The following LRRC72 variants were observed in gnomAD, a reference collection of about 807,000 sequenced individuals.
LRRC72 encodes leucine-rich repeat-containing protein 72.
LRRC72 carries 41 observed loss-of-function variants against 35.8 expected under a neutral mutation model. The ratio of observed to expected loss-of-function variants is 1.15; its 90% confidence interval spans 0.89 to 1.49. LRRC72 has a LOEUF of 1.49. Ranked by LOEUF, LRRC72 falls within the 40% of genes most tolerant of loss-of-function variation. The pLI is 0.00. For synonymous variants in LRRC72, 118 were observed against 119.2 expected, an observed-to-expected ratio of 0.99 and a Z score of 0.07; for missense variants, 389 against 330.7, an observed-to-expected ratio of 1.18 and a Z score of -1.37.
At chr7:16,533,599 C>T (rs1296734297) in intron 2 of LRRC72, among the ~76,000 whole-genome samples, 1 of 152,026 alleles carries the variant, frequency 6.6e-6, no homozygotes, top group Admixed American at 6.6e-5. Context: ...CTTAGTTTAT[C>T]AACAAATTTA....
intron 3 of LRRC72, among the ~76,000 whole-genome samples, chr7:16,548,972 A>G (rs1292236078): frequency 2.0e-5 from 3 of 152,288 alleles, no homozygotes; most frequent in Non-Finnish European, 2.9e-5. Flanking sequence ...AATTTTGTCT[A>G]TTTTCTTCAT....
At chr7:16,561,116 T>C (rs1259606732) in intron 5 of LRRC72, among the ~76,000 whole-genome samples, 2 of 152,192 alleles carry the variant, frequency 1.3e-5, no homozygotes, top group African/African-American at 2.4e-5. Flanking sequence ...ATTCATTTAA[T>C]AAATGTTTAT....
chr7:16,581,304 T>C lies in LRRC72; in HGVS notation c.699-20T>C. 1 of 1,418,060 alleles carries C rather than the reference T, an allele frequency of 7.1e-7. No individual in the cohort carries two copies. The highest frequency in any genetic ancestry group is 9.3e-7 in the Non-Finnish European group (1 of 1,078,486). The allele number at this position is 1,418,060 out of a possible 1,614,324, so 87.8% of individuals were successfully genotyped here. ...ATTTTTGATTGCTTTTTTTCTGACA[T>C]AATTGCTTTTTTTTTGCAGAACTGT... On this transcript the variant is annotated intron_variant, in intron 8 of 8. Transcript: ENST00000401542.
At chr7:16,575,832 T>C (rs1232940711) in intron 7 of LRRC72, among the ~76,000 whole-genome samples, 4 of 152,124 alleles carry the variant, frequency 2.6e-5, no homozygotes, top group Admixed American at 2.6e-4. Flanking sequence ...ATGCACACAA[T>C]AACAAACAAT....
chr7:16,549,717 C>A (rs1782515350), intron 3 of LRRC72, among the ~76,000 whole-genome samples: 1 of 152,062 alleles, frequency 6.6e-6, no homozygotes, highest in Admixed American at 6.6e-5. Flanking sequence ...AAGCAAATAT[C>A]TTGTTTAATG....
intron 7 of LRRC72, among the ~76,000 whole-genome samples, chr7:16,574,856 T>C (rs112326391): frequency 2.1e-4 from 32 of 152,004 alleles, no homozygotes; most frequent in Middle Eastern, 3.4e-3. Context: ...TGGCTCACGC[T>C]TGTAATCCCA....
intron 7 of LRRC72, among the ~76,000 whole-genome samples, chr7:16,573,990 C>T (rs1782994177): frequency 6.6e-6 from 1 of 152,024 alleles, no homozygotes; most frequent in African/African-American, 2.4e-5. Flanking sequence ...GTGAGTGAAG[C>T]ATATGAACAG....
chr7:16,539,501 A>G (rs1188545116), intron 3 of LRRC72, among the ~76,000 whole-genome samples: 2 of 152,222 alleles, frequency 1.3e-5, no homozygotes, highest in East Asian at 3.9e-4. Context: ...TTGCAGCCTG[A>G]CCATTAGGTA....
intron 8 of LRRC72, 35 bp from the exon 9 acceptor site, chr7:16,581,289 G>C: frequency 7.1e-7 from 1 of 1,411,490 alleles, no homozygotes; most frequent in Non-Finnish European, 9.3e-7. Flanking sequence ...ATTTTTGATT[G>C]CTTTTTTTCT....
intron 3 of LRRC72, among the ~76,000 whole-genome samples, chr7:16,541,723 C>A (rs1362230963): frequency 6.6e-6 from 1 of 152,186 alleles, no homozygotes; most frequent in South Asian, 2.1e-4. Flanking sequence ...ACCAGCCTGG[C>A]CAACATGGTG....
At position 16,532,522 on chromosome 7, in the gene LRRC72, G is replaced by T; in HGVS notation, c.118G>T (p.Gly40Cys). ...AGTTGAAGATCAGCTAAAGATATGT[G>T]GCCACAGGAGGGATGCTGATGTCTT... ...RAVEDQLKICGHRRDADVFEL... is the reference protein window; with the variant it reads ...RAVEDQLKICCHRRDADVFEL... Residue 40 changes from glycine (G) to cysteine (C), a missense_variant, in exon 2 of 9, where the codon GGC becomes TGC. Transcript: ENST00000401542. The T allele has an allele frequency of 1.3e-6, 2 of 1,550,056 alleles. No individual in the cohort carries two copies. Among genetic ancestry groups the T allele is most frequent in the Non-Finnish European group, 1.7e-6 (2 of 1,146,488 alleles).
At chr7:16,568,568 G>C (rs1014480804) in intron 7 of LRRC72, among the ~76,000 whole-genome samples, 1 of 152,294 alleles carries the variant, frequency 6.6e-6, no homozygotes. Flanking sequence ...AAATTGAGCA[G>C]AAGGTAATGT....
At chr7:16,579,790 A>T (rs1783108561) in intron 7 of LRRC72, among the ~76,000 whole-genome samples, 1 of 152,208 alleles carries the variant, frequency 6.6e-6, no homozygotes, top group African/African-American at 2.4e-5. Flanking sequence ...TTCCATTGGT[A>T]CATTATAAAT....
chr7:16,565,357 C>T (rs559516492), intron 5 of LRRC72, among the ~76,000 whole-genome samples: 1 of 151,072 alleles, frequency 6.6e-6, no homozygotes, highest in Non-Finnish European at 1.5e-5. Context: ...TGCTTGAACC[C>T]GGGAGGCAGA....
intron 1 of LRRC72, 114 bp downstream of exon 1, chr7:16,527,156 G>C (rs1782084618): frequency 2.6e-6 from 2 of 759,082 alleles, no homozygotes; most frequent in East Asian, 5.4e-5. Context: ...AATTTCAGTA[G>C]CCTGAAGACG....
intron 7 of LRRC72, among the ~76,000 whole-genome samples, chr7:16,579,814 T>C (rs1034249000): frequency 2.0e-5 from 3 of 152,190 alleles, no homozygotes; most frequent in African/African-American, 7.2e-5. Context: ...CTAAGCTTTC[T>C]GTTCTCAGGG....
chr7:16,545,083 C>T (rs773335400), intron 3 of LRRC72, among the ~76,000 whole-genome samples: 17 of 152,258 alleles, frequency 1.1e-4, no homozygotes, highest in East Asian at 3.9e-4. Flanking sequence ...ACCTAGATGA[C>T]GGGTTGACAG....
At position 16,557,276 on chromosome 7, in the gene LRRC72, A is replaced by G. The variant is rs144945863; in HGVS notation, c.235-84A>G. On this transcript the variant is annotated intron_variant, in intron 3 of 8. Coordinates refer to ENST00000401542, the MANE Select transcript of LRRC72 (RefSeq NM_001195280.2). ...ATCTTATTATAATTAAATATATATT[A>G]TTTATGTATATCAGGTTATTTATAT... 1,132 of 331,074 alleles carry G rather than the reference A, an allele frequency of 3.4e-3. 7 individuals carry two copies. The highest frequency in any genetic ancestry group is 0.023 in the African/African-American group (1,043 of 46,312). The allele number at this position is 331,074 out of a possible 1,614,324, so 20.5% of individuals were successfully genotyped here. A position where few individuals can be genotyped will look rare whatever the true frequency, so the allele number is the denominator to read the frequency against.
rs151317337 is a variant in LRRC72, at chr7:16,545,142, C to T, written c.234+7446C>T. ...TGTATACCTATGTAACAAACCTGCA[C>T]GTTCTGCACACGTATCCCAGAACTT... is the stretch of plus-strand genomic sequence containing the variant. On this transcript the variant is annotated intron_variant, in intron 3 of 8. Coordinates refer to ENST00000401542, the MANE Select transcript of LRRC72 (RefSeq NM_001195280.2). Among the ~76,000 whole-genome samples the T allele has an allele frequency of 7.8e-4, 119 of 152,182 alleles. 3 individuals carry two copies. The East Asian group carries it at 0.017, about 22-fold the overall frequency.
Sources: allele counts gnomAD v4.1 joint callset (sites outside exome capture counted in the v4.1 genomes callset), GRCh38; gene constraint gnomAD v4.1.1; transcripts MANE v1.5; gene names NCBI Gene and HGNC (gene_info 2026-07-23, HGNC 2026-07-21).